The following ADGRG5 variants were observed in gnomAD, a reference collection of about 807,000 sequenced individuals.
The protein encoded by ADGRG5 is adhesion G protein-coupled receptor G5.
ADGRG5 carries 37 observed loss-of-function variants against 53.2 expected under a neutral mutation model. The observed-to-expected ratio is 0.70, with a 90% confidence interval of 0.53 to 0.91. ADGRG5 has a LOEUF of 0.91. Among genes scored for constraint, ADGRG5 ranks in the 40% least tolerant of loss-of-function variants. The pLI is 0.00. For missense variants in ADGRG5, 614 were observed against 675.8 expected (o/e 0.91, Z 1.01); for synonymous variants, 277 against 290.4 (o/e 0.95, Z 0.47).
intron 1 of ADGRG5, among the ~76,000 whole-genome samples, chr16:57,553,115 AT>A (rs1333770550): frequency 1.3e-5 from 2 of 152,228 alleles, no homozygotes; most frequent in African/African-American, 2.4e-5. Flanking sequence ...AGCAGGTATA[AT>A]AATAATGAAA....
At chr16:57,544,672 A>G (rs1344057366) in intron 1 of ADGRG5, among the ~76,000 whole-genome samples, 10 of 152,206 alleles carry the variant, frequency 6.6e-5, no homozygotes, top group Admixed American at 2.6e-4. Flanking sequence ...AATTGGCCCA[A>G]GATCCTTTCT....
the ADGRG5 span, among the ~76,000 whole-genome samples, chr16:57,533,351 A>G: frequency 0.016 from 2,468 of 152,030 alleles, 28 homozygotes; most frequent in Middle Eastern, 0.051. Flanking sequence ...CACACCAGGA[A>G]TCCTGCACTC....
At chr16:57,569,262 C>T (rs2033257986) in intron 9 of ADGRG5, among the ~76,000 whole-genome samples, 1 of 151,366 alleles carries the variant, frequency 6.6e-6, no homozygotes, top group Non-Finnish European at 1.5e-5. Context: ...CCACCTCCTC[C>T]ACCTCCATCA....
At position 57,571,155 on chromosome 16, in the gene ADGRG5, G is replaced by A. The variant is rs142295495; in HGVS notation, c.1208+620G>A. 1.3e-4 allele frequency among the ~76,000 whole-genome samples: 20 copies of A among 152,254 alleles called. No individual in the cohort carries two copies. The East Asian group carries it at 3.3e-3, about 25-fold the overall frequency. ...ATAGACTAGCCTAAGGAACCCCCGC[G>A]CGCCCATCACTCACTTGCAGTTGGC... On this transcript the variant is annotated intron_variant, in intron 10 of 11. Coordinates refer to ENST00000349457, the MANE Select transcript of ADGRG5 (RefSeq NM_001304376.3).
chr16:57,543,686 G>A (rs1011701660), intron 1 of ADGRG5, among the ~76,000 whole-genome samples: 1 of 152,104 alleles, frequency 6.6e-6, no homozygotes, highest in Non-Finnish European at 1.5e-5. Flanking sequence ...GGCTGTGTGC[G>A]GAGAATGGCT....
rs114490976 is a variant in ADGRG5, at chr16:57,547,832, A to G, written c.-39+5131A>G. On this transcript the variant is annotated intron_variant, in intron 1 of 11. Transcript: ENST00000349457. ...AGGTGCCATCATAGCTCACTGAAGCATTGAACTCCTGGACTCAAGCAGTCC... is the reference window on the plus strand; with the variant it reads ...AGGTGCCATCATAGCTCACTGAAGCGTTGAACTCCTGGACTCAAGCAGTCC... Among the ~76,000 whole-genome samples, 980 of 151,972 alleles carry G rather than the reference A, an allele frequency of 6.4e-3. 12 individuals are homozygous for G. The highest frequency in any genetic ancestry group is 0.02 in the African/African-American group (816 of 41,462).
chr16:57,536,108 C>T, the ADGRG5 span, among the ~76,000 whole-genome samples: 3 of 152,156 alleles, frequency 2.0e-5, no homozygotes, highest in Non-Finnish European at 2.9e-5. Context: ...CTGGGCAGGG[C>T]GCCGTGCTCT....
At chr16:57,539,954 C>A (rs1384367557), upstream of ADGRG5, among the ~76,000 whole-genome samples, 1 of 151,936 alleles carries the variant, frequency 6.6e-6, no homozygotes, top group South Asian at 2.1e-4. Flanking sequence ...AACAATTTAG[C>A]CCTCGGCGGG....
At chr16:57,535,364 C>G in the ADGRG5 span, among the ~76,000 whole-genome samples, 1 of 152,146 alleles carries the variant, frequency 6.6e-6, no homozygotes, top group East Asian at 1.9e-4. Flanking sequence ...CAGAGACAGC[C>G]TGGATCATTG....
intron 9 of ADGRG5, 134 bp downstream of exon 9, chr16:57,568,258 A>G (rs2033201240): frequency 2.4e-6 from 2 of 818,938 alleles, no homozygotes; most frequent in Admixed American, 4.9e-5. Flanking sequence ...AACTCTGTCT[A>G]CACCCACCTC....
At chr16:57,558,582 G>A (rs550929100) in intron 1 of ADGRG5, among the ~76,000 whole-genome samples, 94 of 152,180 alleles carry the variant, frequency 6.2e-4, no homozygotes, top group Non-Finnish European at 1.0e-3. Flanking sequence ...CCAGGAGTAG[G>A]GCTTTCTAAG....
intron 1 of ADGRG5, among the ~76,000 whole-genome samples, chr16:57,560,790 T>A (rs137925963): frequency 3.7e-4 from 57 of 152,262 alleles, no homozygotes; most frequent in African/African-American, 1.3e-3. Flanking sequence ...TTATTTTTAT[T>A]TTTTATTTTT....
chr16:57,534,275 T>C, the ADGRG5 span, among the ~76,000 whole-genome samples: 1 of 152,154 alleles, frequency 6.6e-6, no homozygotes. Context: ...TTGTGCCACT[T>C]AGAGCTTCCA....
At chr16:57,568,603 A>G (rs368949325) in intron 9 of ADGRG5, among the ~76,000 whole-genome samples, 7 of 149,544 alleles carry the variant, frequency 4.7e-5, no homozygotes, top group African/African-American at 1.7e-4. Context: ...CATCACCATC[A>G]TCATCACCTC....
At chr16:57,530,861 C>T in the ADGRG5 span, among the ~76,000 whole-genome samples, 1 of 151,964 alleles carries the variant, frequency 6.6e-6, no homozygotes, top group African/African-American at 2.4e-5. Flanking sequence ...GCTTGGCGCT[C>T]TGTCACCCGG....
rs746791059 is a variant in ADGRG5 at position 57,567,919 on chromosome 16, C to A, written c.885C>A (p.Asn295Lys). Residue 295 changes from asparagine to lysine, a missense_variant, in exon 9 of 12, where the codon AAC becomes AAA. Coordinates refer to ENST00000349457, the MANE Select transcript of ADGRG5 (RefSeq NM_001304376.3). ...TGCATGCCTCCGTGCTGCTCCTGAA[C>A]ATCGCCTTCCTGCTGAGCCCCGCAT... ...MNLHASVLLL[N>K]IAFLLSPAFA... is the part of the protein sequence containing the mutation. The A allele has an allele frequency of 1.2e-6, 2 of 1,613,592 alleles. No homozygotes were observed. The highest frequency in any genetic ancestry group is 2.7e-5 in the African/African-American group (2 of 74,896).
chr16:57,550,089 G>A (rs1306400450), intron 1 of ADGRG5, among the ~76,000 whole-genome samples: 1 of 152,046 alleles, frequency 6.6e-6, no homozygotes, highest in African/African-American at 2.4e-5. Flanking sequence ...CAATTCTCCT[G>A]CCTTAGACTC....
the ADGRG5 span, chr16:57,529,204 G>C: frequency 8.6e-7 from 1 of 1,164,162 alleles, no homozygotes; most frequent in African/African-American, 1.6e-5. The surrounding 1 kb of genome is among the most constrained non-coding windows in gnomAD (Gnocchi z 4.1). Flanking sequence ...CCCTGAGCTC[G>C]AACTCGCGGT....
intron 8 of ADGRG5, 93 bp downstream of exon 8, chr16:57,567,684 C>T (rs2146812529): frequency 6.6e-7 from 1 of 1,506,056 alleles, no homozygotes; most frequent in South Asian, 1.2e-5. Flanking sequence ...GGGTGTGCTT[C>T]TCCAGAGGGT....
Sources: gnomAD v4.1 joint callset for allele counts (sites outside exome capture counted in the v4.1 genomes callset) on GRCh38, gnomAD v4.1.1 for gene constraint, Gnocchi (gnomAD v3.1) non-coding constraint, MANE v1.5 for transcripts, NCBI Gene and HGNC (gene_info 2026-07-23, HGNC 2026-07-21) for gene names.